DAB1: variants seen among roughly 807,000 people sequenced by gnomAD.
DAB1 encodes the protein DAB adaptor protein 1, also known as disabled homolog 1.
In DAB1, 15 loss-of-function variants were observed where a neutral mutation model predicts 64.6. The observed-to-expected ratio is 0.23, with a 90% CI of 0.16 to 0.36. DAB1 has a LOEUF of 0.36. Among genes scored for constraint, DAB1 ranks in the 10% least tolerant of loss-of-function variants. DAB1 has a pLI of 1.00. For missense variants in DAB1, 596 were observed against 706.7 expected, an observed-to-expected ratio of 0.84 and a Z score of 1.78; for synonymous variants, 235 against 251.9, an observed-to-expected ratio of 0.93 and a Z score of 0.64.
intron 7 of DAB1, among the ~76,000 whole-genome samples, chr1:57,572,660 T>C (rs750595730): frequency 4.6e-5 from 7 of 152,164 alleles, no homozygotes; most frequent in African/African-American, 1.2e-4. Context: ...ATAATTGTAT[T>C]AGGTCATTCT....
intron 5 of DAB1, among the ~76,000 whole-genome samples, chr1:57,899,844 G>A (rs1644447600): frequency 1.3e-5 from 2 of 152,126 alleles, no homozygotes; most frequent in South Asian, 4.1e-4. Flanking sequence ...CCAGCACTGA[G>A]CTTATCTCTC....
chr1:57,811,712 T>C (rs1170580456), intron 6 of DAB1, among the ~76,000 whole-genome samples: 1 of 152,200 alleles, frequency 6.6e-6, no homozygotes, highest in Non-Finnish European at 1.5e-5. Flanking sequence ...GGCATGATCT[T>C]GTTCCCTGCT....
At chr1:58,268,353 G>T (rs114217374) in intron 4 of DAB1, among the ~76,000 whole-genome samples, 1 of 151,988 alleles carries the variant, frequency 6.6e-6, no homozygotes, top group Non-Finnish European at 1.5e-5. Flanking sequence ...CTTCATAATT[G>T]TTAAATTATA....
intron 7 of DAB1, among the ~76,000 whole-genome samples, chr1:57,568,152 C>A (rs1645146390): frequency 6.6e-6 from 1 of 152,098 alleles, no homozygotes; most frequent in African/African-American, 2.4e-5. Context: ...CTTTGACAAA[C>A]CTGACACAAA....
chr1:57,361,524 C>G (rs1041490823), intron 1 of DAB1, among the ~76,000 whole-genome samples: 1 of 152,064 alleles, frequency 6.6e-6, no homozygotes. Flanking sequence ...ATGTCACTGC[C>G]AATATCTAAG....
At chr1:58,379,952 G>A (rs1644372290) in intron 3 of DAB1, among the ~76,000 whole-genome samples, 1 of 152,178 alleles carries the variant, frequency 6.6e-6, no homozygotes, top group Non-Finnish European at 1.5e-5. Flanking sequence ...GCAGCTAGGT[G>A]TAGATATGTA....
chr1:57,377,036 G>A (rs368124435), intron 1 of DAB1, among the ~76,000 whole-genome samples: 24 of 152,272 alleles, frequency 1.6e-4, no homozygotes, highest in African/African-American at 5.3e-4. Flanking sequence ...TTGGGAGGCC[G>A]AGGTGGGCAG....
chr1:57,451,367 C>G (rs917332395), intron 7 of DAB1, among the ~76,000 whole-genome samples: 1 of 152,166 alleles, frequency 6.6e-6, no homozygotes, highest in East Asian at 1.9e-4. Context: ...TCTATCACAT[C>G]CTGCTGGTTT....
intron 3 of DAB1, among the ~76,000 whole-genome samples, chr1:58,446,196 C>G (rs1645064713): frequency 6.6e-6 from 1 of 152,178 alleles, no homozygotes; most frequent in African/African-American, 2.4e-5. Flanking sequence ...GTCTTGTGCA[C>G]TAGATTATAA....
At chr1:58,227,248 T>C (rs1659541129) in intron 4 of DAB1, among the ~76,000 whole-genome samples, 2 of 152,180 alleles carry the variant, frequency 1.3e-5, no homozygotes, top group South Asian at 2.1e-4. Flanking sequence ...TAACCAACTC[T>C]AGGATTCCAA....
intron 3 of DAB1, among the ~76,000 whole-genome samples, chr1:58,355,978 C>A (rs1204959558): frequency 6.6e-6 from 1 of 152,130 alleles, no homozygotes; most frequent in Non-Finnish European, 1.5e-5. Flanking sequence ...AGGTGGAGGA[C>A]CACTCATTAG....
chr1:57,936,349 G>A (rs115800273), intron 5 of DAB1, among the ~76,000 whole-genome samples: 2,070 of 152,236 alleles, frequency 0.014, 24 homozygotes, highest in Non-Finnish European at 0.022. Flanking sequence ...GTTCCAACCC[G>A]TCTTCCTGGT....
rs377672670 is a variant in DAB1, at chr1:58,187,909, AT to A, written n.310-37322del. 1.4e-3 allele frequency among the ~76,000 whole-genome samples: 164 copies of A among 118,078 alleles called. 2 individuals carry two copies. Among genetic ancestry groups the A allele is most frequent in the African/African-American group, 1.7e-3 (54 of 30,988 alleles). 77.5% of individuals were successfully genotyped at this position (118,078 alleles called of 152,430 possible). A position where few individuals can be genotyped will look rare whatever the true frequency, so the allele number is the denominator to read the frequency against. On this transcript the variant is annotated intron_variant and non_coding_transcript_variant, in intron 4 of 20. Transcript: ENST00000485760. ...TTTTTCTTTGACCTGTGAGATAAGA[AT>A]TTTTTTTTTTTTTCTTGAGACAGAG...
At chr1:57,739,693 T>C (rs1647886181) in intron 6 of DAB1, among the ~76,000 whole-genome samples, 1 of 150,744 alleles carries the variant, frequency 6.6e-6, no homozygotes, top group African/African-American at 2.4e-5. Flanking sequence ...TCTCAAACAA[T>C]CTGCCTGCCT....
At chr1:57,919,366 G>A (rs762753570) in intron 5 of DAB1, among the ~76,000 whole-genome samples, 1 of 152,238 alleles carries the variant, frequency 6.6e-6, no homozygotes, top group Non-Finnish European at 1.5e-5. Flanking sequence ...GTTTACTGGA[G>A]CATGTAGACA....
chr1:57,554,978 A>G lies in DAB1; in HGVS notation n.625+94614T>C, dbSNP rs1172414647. Among the ~76,000 whole-genome samples, 3 of 145,432 alleles carry G rather than the reference A, an allele frequency of 2.1e-5. No individual in the cohort carries two copies. The South Asian group carries it at 6.5e-4, about 31-fold the overall frequency. ...GTGACTCAGGCTAAATCTAGATTCT[A>G]TTTACATAAAACATTCATGTTAGAG... is the stretch of plus-strand genomic sequence containing the variant. On this transcript the variant is annotated intron_variant and non_coding_transcript_variant, in intron 7 of 20. Coordinates refer to the DAB1 transcript ENST00000485760.
intron 2 of DAB1, among the ~76,000 whole-genome samples, chr1:57,279,952 T>C (rs1671761488): frequency 6.6e-6 from 1 of 152,212 alleles, no homozygotes; most frequent in Non-Finnish European, 1.5e-5. Flanking sequence ...AAGGCATTAC[T>C]ATTGGAACCT....
chr1:58,492,961 A>C (rs1026167179), intron 3 of DAB1, among the ~76,000 whole-genome samples: 17 of 151,958 alleles, frequency 1.1e-4, no homozygotes, highest in Admixed American at 9.8e-4. Context: ...GAGACACAAC[A>C]AAAAAAGAGA....
chr1:57,568,201 G>T (rs1389052196), intron 7 of DAB1, among the ~76,000 whole-genome samples: 2 of 152,284 alleles, frequency 1.3e-5, no homozygotes, highest in African/African-American at 4.8e-5. Context: ...AATAAATGGT[G>T]CTGGGAAAAC....
Sources: gnomAD v4.1 joint callset for allele counts (sites outside exome capture counted in the v4.1 genomes callset) on GRCh38, gnomAD v4.1.1 for gene constraint, MANE v1.5 for transcripts, NCBI Gene and HGNC (gene_info 2026-07-23, HGNC 2026-07-21) for gene names.